The following NUFIP1 variants were observed in gnomAD, a reference collection of about 807,000 sequenced individuals.
NUFIP1 encodes nuclear FMR1 interacting protein 1.
Under a neutral mutation model 56.2 loss-of-function variants are expected in NUFIP1, and 38 were observed. The observed-to-expected ratio is 0.68, with a 90% CI of 0.52 to 0.89. The LOEUF (loss-of-function observed/expected upper bound fraction) is 0.89. Ranked by LOEUF, NUFIP1 falls within the 40% of genes least tolerant of loss-of-function variation. NUFIP1 has a pLI of 0.00. For missense variants in NUFIP1, 567 were observed against 605.8 expected, an observed-to-expected ratio of 0.94 and a Z score of 0.67; for synonymous variants, 215 against 212.4, an observed-to-expected ratio of 1.01 and a Z score of -0.10.
At chr13:44,949,111 G>C (rs1870992791) in intron 8 of NUFIP1, among the ~76,000 whole-genome samples, 1 of 151,696 alleles carries the variant, frequency 6.6e-6, no homozygotes, top group Non-Finnish European at 1.5e-5. Context: ...AGAAAAAAAT[G>C]AATTTTCTTT....
At chr13:44,969,401 C>A (rs1356474406) in intron 5 of NUFIP1, among the ~76,000 whole-genome samples, 1 of 152,044 alleles carries the variant, frequency 6.6e-6, no homozygotes, top group Admixed American at 6.5e-5. Flanking sequence ...AATAACAAAT[C>A]CAAAGACTAT....
chr13:44,977,183 T>C (rs2137920419), intron 5 of NUFIP1, among the ~76,000 whole-genome samples: 1 of 152,370 alleles, frequency 6.6e-6, no homozygotes, highest in East Asian at 1.9e-4. Flanking sequence ...TCAACAAATA[T>C]GTATTTCTCA....
intron 6 of NUFIP1, among the ~76,000 whole-genome samples, chr13:44,965,317 T>C (rs994674859): frequency 1.3e-5 from 2 of 152,220 alleles, no homozygotes; most frequent in African/African-American, 4.8e-5. Context: ...TTTTGTAAAT[T>C]GCCCAGTCTC....
At chr13:44,952,180 C>T (rs1232277534) in intron 7 of NUFIP1, among the ~76,000 whole-genome samples, 2 of 152,162 alleles carry the variant, frequency 1.3e-5, no homozygotes, top group Admixed American at 1.3e-4. Flanking sequence ...CAGAGTTTCA[C>T]TCTGCTGCCC....
chr13:44,943,297 A>G (rs1026920915), intron 9 of NUFIP1, 145 bp downstream of exon 9: 14 of 645,334 alleles, frequency 2.2e-5, no homozygotes, highest in African/African-American at 1.8e-4. Context: ...ATGTAGCTAC[A>G]GAATTAAGAT....
At chr13:44,953,744 C>G (rs892820786) in intron 7 of NUFIP1, among the ~76,000 whole-genome samples, 1 of 152,152 alleles carries the variant, frequency 6.6e-6, no homozygotes, top group African/African-American at 2.4e-5. Context: ...ATTTCTCCAA[C>G]AGGCTCTGGT....
In NUFIP1 at chr13:44,989,237, G is replaced by A. The variant is rs1409644586; in HGVS notation, c.200C>T (p.Pro67Leu). 2 of 1,612,774 alleles carry A rather than the reference G, an allele frequency of 1.2e-6. No homozygotes were observed. Among genetic ancestry groups the A allele is most frequent in the Admixed American group, 1.7e-5 (1 of 59,884 alleles). The change falls in exon 1 of 10, where the codon CCC becomes CTC. Residue 67 changes from proline (P) to leucine (L), a missense_variant. By Grantham distance (98) the Pro-to-Leu change is moderately conservative. Transcript: ENST00000379161. ...AGSKPSSESQ[P>L]PMEAQSLPGA... ...GGGGAGAGACTGGGCCTCCATGGGGGGCTGCGACTCAGAGGAAGGCTTTGA... is the reference window on the plus strand; with the variant it reads ...GGGGAGAGACTGGGCCTCCATGGGGAGCTGCGACTCAGAGGAAGGCTTTGA...
chr13:44,968,349 A>G (rs1236197186), intron 5 of NUFIP1, among the ~76,000 whole-genome samples: 8 of 151,588 alleles, frequency 5.3e-5, no homozygotes, highest in African/African-American at 1.7e-4. Flanking sequence ...AAGCAGTCAG[A>G]TAATCTCAGG....
intron 7 of NUFIP1, among the ~76,000 whole-genome samples, chr13:44,953,635 C>G (rs934222324): frequency 1.3e-5 from 2 of 152,000 alleles, no homozygotes; most frequent in Non-Finnish European, 2.9e-5. Context: ...TCTGACATAC[C>G]CACATCTTCA....
At chr13:44,956,141 CAAAAAAAAAAAA>C (rs371458350) in intron 7 of NUFIP1, among the ~76,000 whole-genome samples, 3 of 61,488 alleles carry the variant, frequency 4.9e-5, no homozygotes, top group Non-Finnish European at 6.6e-5. Context: ...GACTCCGTCT[CAAAAAAAAAAAA>C]AAAAAAAAAG....
At chr13:44,979,367 T>C in intron 4 of NUFIP1, 101 bp from the exon 5 acceptor site, 1 of 890,846 alleles carries the variant, frequency 1.1e-6, no homozygotes, top group Non-Finnish European at 1.7e-6. Context: ...TGGACACAAT[T>C]TTAAAACCAA....
intron 6 of NUFIP1, among the ~76,000 whole-genome samples, chr13:44,962,649 T>C (rs918319136): frequency 1.2e-4 from 18 of 152,318 alleles, no homozygotes; most frequent in South Asian, 8.3e-4. Flanking sequence ...ATGTGTACAA[T>C]GTTTGTAATG....
At position 44,966,977 on chromosome 13, in the gene NUFIP1, CATAAATAA is replaced by C. The variant is rs202226545; in HGVS notation, c.735-1049_735-1042del. Among the ~76,000 whole-genome samples the C allele has an allele frequency of 1.9e-3, 282 of 149,946 alleles. 4 individuals carry two copies. In the East Asian group the frequency reaches 0.05, roughly 27 times the overall value. ...GACAGAGCAAGACTCCCCCTCAAAA[CATAAATAA>C]ATAAATAAATAAATAAAATAAAATA... is the stretch of plus-strand genomic sequence containing the variant. On this transcript the variant is annotated intron_variant, in intron 5 of 9. Coordinates refer to ENST00000379161, the MANE Select transcript of NUFIP1 (RefSeq NM_012345.3).
chr13:44,982,137 GATA>G lies in NUFIP1; in HGVS notation c.427_429del (p.Tyr143del), dbSNP rs771367992. The G allele has an allele frequency of 6.8e-7, 1 of 1,467,568 alleles. No homozygotes were observed. The highest frequency in any genetic ancestry group is 2.3e-5 in the Admixed American group (1 of 42,864). 90.9% of individuals were successfully genotyped at this position (1,467,568 alleles called of 1,614,324 possible). A position where few individuals can be genotyped will look rare whatever the true frequency, so the allele number is the denominator to read the frequency against. On this transcript the variant is annotated inframe_deletion, in exon 2 of 10. Coordinates refer to ENST00000379161, the MANE Select transcript of NUFIP1 (RefSeq NM_012345.3). Reference sequence around the variant, plus strand: ...GTGAATTTTGCATCATACTTTCGTGGATAATAAGAATTTTTAACTAAAAAAAAA... The same window carrying G: ...GTGAATTTTGCATCATACTTTCGTGGATAAGAATTTTTAACTAAAAAAAAA...
chr13:44,989,446 G>C lies in NUFIP1; in HGVS notation c.-10C>G. The C allele has an allele frequency of 3.7e-6, 6 of 1,611,850 alleles. No homozygotes were observed. The highest frequency in any genetic ancestry group is 5.1e-6 in the Non-Finnish European group (6 of 1,178,962). ...TAGTCGGCTCAGCCATACCACTGGC[G>C]GGTCCGGAGTCTAGCACGCGACTGT... is the stretch of plus-strand genomic sequence containing the variant. On this transcript the variant is annotated 5_prime_UTR_variant, in exon 1 of 10. Transcript: ENST00000379161.
intron 1 of NUFIP1, among the ~76,000 whole-genome samples, chr13:44,987,307 G>C (rs1872431624): frequency 6.6e-6 from 1 of 152,044 alleles, no homozygotes; most frequent in South Asian, 2.1e-4. Context: ...CAACCTGGGA[G>C]GTGGAGGTTG....
intron 8 of NUFIP1, among the ~76,000 whole-genome samples, chr13:44,943,876 T>C (rs1267009334): frequency 2.6e-5 from 4 of 152,118 alleles, no homozygotes; most frequent in African/African-American, 9.7e-5. Flanking sequence ...CTACCAAAAA[T>C]TGAGAAGACT....
chr13:44,976,419 GAA>G (rs1280400038), intron 5 of NUFIP1, among the ~76,000 whole-genome samples: 1 of 151,290 alleles, frequency 6.6e-6, no homozygotes, highest in East Asian at 1.9e-4. Flanking sequence ...AGGAAGAAGA[GAA>G]GAGGAGGAGG....
intron 9 of NUFIP1, among the ~76,000 whole-genome samples, chr13:44,942,290 A>G (rs1488775993): frequency 1.4e-4 from 21 of 152,246 alleles, no homozygotes. Context: ...GAACAAGCAC[A>G]TAATCAAGGA....
Sources: gnomAD v4.1 joint callset for allele counts (sites outside exome capture counted in the v4.1 genomes callset) on GRCh38, gnomAD v4.1.1 for gene constraint, MANE v1.5 for transcripts, NCBI Gene and HGNC (gene_info 2026-07-23, HGNC 2026-07-21) for gene names.